Variants in MDGA2 observed in about 807,000 individuals in gnomAD.
MDGA2 encodes MAM domain containing glycosylphosphatidylinositol anchor 2, also known as MAM domain-containing glycosylphosphatidylinositol anchor protein 2.
Under a neutral mutation model 117.8 loss-of-function variants are expected in MDGA2, and 40 were observed. That is an observed-to-expected ratio of 0.34 (90% CI 0.26 to 0.44). The LOEUF is 0.44. Ranked by LOEUF, MDGA2 falls within the 20% of genes least tolerant of loss-of-function variation. The pLI is 1.00. For synonymous variants in MDGA2, 452 were observed against 439.0 expected, an observed-to-expected ratio of 1.03 and a Z score of -0.37; for missense variants, 1,123 against 1,250.6, an observed-to-expected ratio of 0.90 and a Z score of 1.54.
intron 3 of MDGA2, among the ~76,000 whole-genome samples, chr14:47,145,101 T>C (rs894473318): frequency 6.6e-6 from 1 of 152,136 alleles, no homozygotes; most frequent in Admixed American, 6.6e-5. Context: ...CAGATTATAT[T>C]TGTTAATTTG....
Position 47,035,118 on chromosome 14 carries a change from A to G in MDGA2, c.1712T>C (p.Ile571Thr). ...QMESYDGTLR[I>T]VNVSREMSGM... is the part of the protein sequence containing the mutation. The stretch of plus-strand genomic sequence containing the variant: ...TGACATTTCCCTAGATACATTCACA[A>G]TCCTCAGTGTTCCATCATAACTCTC... Residue 571 changes from isoleucine to threonine, a missense_variant, in exon 8 of 17, where the codon ATT (isoleucine) becomes ACT (threonine). Ile to Thr is a moderately conservative substitution (Grantham distance 89). Coordinates refer to ENST00000399232, the MANE Select transcript of MDGA2 (RefSeq NM_001113498.3). The G allele has an allele frequency of 1.9e-6, 3 of 1,614,092 alleles. No homozygotes were observed. The highest frequency in any genetic ancestry group is 2.2e-5 in the East Asian group (1 of 44,848).
At chr14:47,054,629 A>T (rs1289960896) in intron 7 of MDGA2, among the ~76,000 whole-genome samples, 1 of 151,958 alleles carries the variant, frequency 6.6e-6, no homozygotes, top group Non-Finnish European at 1.5e-5. Flanking sequence ...TAACCAAAAC[A>T]GCATGGTACT....
At chr14:47,527,027 G>A (rs1000491176) in intron 1 of MDGA2, among the ~76,000 whole-genome samples, 13 of 152,136 alleles carry the variant, frequency 8.5e-5, no homozygotes, top group African/African-American at 1.2e-4. Flanking sequence ...TGCTCACTGA[G>A]TATTTACTAA....
chr14:47,031,326 G>A (rs1055963874), intron 8 of MDGA2, among the ~76,000 whole-genome samples: 1 of 151,854 alleles, frequency 6.6e-6, no homozygotes, highest in Non-Finnish European at 1.5e-5. Context: ...GTTTTTTTGA[G>A]TGGTTATTGT....
intron 1 of MDGA2, among the ~76,000 whole-genome samples, chr14:47,488,684 A>C (rs2138648695): frequency 6.6e-6 from 1 of 152,228 alleles, no homozygotes; most frequent in Middle Eastern, 3.4e-3. Context: ...TTATAAGTAA[A>C]TCCAAAAGTT....
At chr14:46,978,577 C>A (rs1349854964) in intron 8 of MDGA2, among the ~76,000 whole-genome samples, 2 of 151,980 alleles carry the variant, frequency 1.3e-5, no homozygotes, top group African/African-American at 4.8e-5. Context: ...AGAAGCAATG[C>A]ACTTTTTAAT....
intron 2 of MDGA2, among the ~76,000 whole-genome samples, chr14:47,240,147 C>A (rs1486185025): frequency 6.6e-6 from 1 of 151,622 alleles, no homozygotes; most frequent in Admixed American, 6.6e-5. Context: ...CTGGTTCAAG[C>A]GATTCTCCTG....
Position 46,851,975 on chromosome 14 carries a change from A to G in MDGA2, c.2883+3049T>C, listed in dbSNP as rs189074515. Among the ~76,000 whole-genome samples, 22 of 151,938 alleles carry G rather than the reference A, an allele frequency of 1.4e-4. No homozygotes were observed. In the East Asian group the frequency reaches 1.7e-3, roughly 12 times the overall value. On this transcript the variant is annotated intron_variant, in intron 15 of 16. Transcript: ENST00000399232. ...TAAAATGAAACGAGACAAAAACAAC[A>G]AAAGTGGCATGGGATTGTTTAGTTG...
At chr14:47,011,960 G>A (rs1887908510) in intron 8 of MDGA2, among the ~76,000 whole-genome samples, 1 of 149,544 alleles carries the variant, frequency 6.7e-6, no homozygotes, top group Non-Finnish European at 1.5e-5. Context: ...AAAGTGTTCA[G>A]TTGAGTATGT....
At chr14:47,535,644 GA>G (rs754818410) in intron 1 of MDGA2, among the ~76,000 whole-genome samples, 34 of 152,314 alleles carry the variant, frequency 2.2e-4, no homozygotes, top group Admixed American at 8.5e-4. Flanking sequence ...ATGGAACTCA[GA>G]AGTGGTGATG....
intron 5 of MDGA2, among the ~76,000 whole-genome samples, chr14:47,115,962 G>T (rs1881307271): frequency 6.6e-6 from 1 of 151,954 alleles, no homozygotes; most frequent in South Asian, 2.1e-4. Context: ...AGAATAGGAG[G>T]CATTAAAACT....
At chr14:47,010,195 A>G (rs1887850413) in intron 8 of MDGA2, among the ~76,000 whole-genome samples, 1 of 152,074 alleles carries the variant, frequency 6.6e-6, no homozygotes, top group Non-Finnish European at 1.5e-5. Context: ...GATAGAAATT[A>G]GATCATAATA....
intron 1 of MDGA2, among the ~76,000 whole-genome samples, chr14:47,312,983 C>A (rs1889692613): frequency 6.7e-6 from 1 of 150,218 alleles, no homozygotes; most frequent in African/African-American, 2.4e-5. Context: ...TAATATTTCC[C>A]TGCCGTTTTT....
chr14:47,615,893 C>G (rs1025126975), intron 1 of MDGA2, among the ~76,000 whole-genome samples: 1 of 152,180 alleles, frequency 6.6e-6, no homozygotes, highest in Non-Finnish European at 1.5e-5. Flanking sequence ...CACTGACACA[C>G]TGGAACAATC....
chr14:47,064,185 T>C (rs1198917362), intron 6 of MDGA2, among the ~76,000 whole-genome samples: 4 of 152,022 alleles, frequency 2.6e-5, no homozygotes, highest in Non-Finnish European at 5.9e-5. Flanking sequence ...TAATCAAGCA[T>C]GCTTTTAAGA....
At chr14:47,150,398 T>C (rs747639363) in intron 3 of MDGA2, among the ~76,000 whole-genome samples, 6 of 152,218 alleles carry the variant, frequency 3.9e-5, no homozygotes, top group Admixed American at 6.5e-5. Flanking sequence ...AGAGGTCTTA[T>C]GCTCACATAC....
chr14:47,478,894 ATAAG>A (rs1468298615), intron 1 of MDGA2, among the ~76,000 whole-genome samples: 1 of 152,196 alleles, frequency 6.6e-6, no homozygotes, highest in Non-Finnish European at 1.5e-5. Context: ...CTTTGAAATG[ATAAG>A]TAGTTTATGA....
intron 6 of MDGA2, among the ~76,000 whole-genome samples, chr14:47,080,992 A>G (rs1890689006): frequency 6.6e-6 from 1 of 152,164 alleles, no homozygotes; most frequent in Non-Finnish European, 1.5e-5. Context: ...AATACTAGTT[A>G]CTTCCACGAT....
chr14:46,852,891 A>C (rs1420424160), intron 15 of MDGA2, among the ~76,000 whole-genome samples: 1 of 151,974 alleles, frequency 6.6e-6, no homozygotes, highest in East Asian at 1.9e-4. Context: ...GAATACAAAA[A>C]TATGCAGCAC....
Sources: gnomAD v4.1 joint callset for allele counts (sites outside exome capture counted in the v4.1 genomes callset) on GRCh38, gnomAD v4.1.1 for gene constraint, MANE v1.5 for transcripts, NCBI Gene and HGNC (gene_info 2026-07-23, HGNC 2026-07-21) for gene names.